The following CDH10 variants were observed in gnomAD, a reference collection of about 807,000 sequenced individuals.
CDH10 encodes cadherin 10.
Under a neutral mutation model 73.1 loss-of-function variants are expected in CDH10, and 30 were observed. The ratio of observed to expected loss-of-function variants is 0.41; its 90% confidence interval spans 0.31 to 0.56. The LOEUF is 0.56. CDH10 is among the 20% of genes least tolerant of loss of function. The pLI is 0.27. For synonymous variants in CDH10, 345 were observed against 348.2 expected (o/e 0.99, Z 0.10); for missense variants, 815 against 973.7 (o/e 0.84, Z 2.17).
chr5:24,535,449 T>C (rs1391322582), intron 4 of CDH10, among the ~76,000 whole-genome samples, 170 bp from the exon 5 acceptor site: 1 of 152,144 alleles, frequency 6.6e-6, no homozygotes, highest in Admixed American at 6.6e-5. Flanking sequence ...ATATCATTTG[T>C]ATTGTGTTAC....
At chr5:24,585,956 G>GC (rs1237430192) in intron 2 of CDH10, among the ~76,000 whole-genome samples, 2 of 152,142 alleles carry the variant, frequency 1.3e-5, no homozygotes, top group African/African-American at 4.8e-5. Flanking sequence ...CTTGCAAATA[G>GC]CGACAGAGGA....
chr5:24,510,301 T>C (rs1742856046), intron 6 of CDH10, among the ~76,000 whole-genome samples: 1 of 152,208 alleles, frequency 6.6e-6, no homozygotes, highest in Non-Finnish European at 1.5e-5. Context: ...AATATACAAC[T>C]TTCAAGTTAT....
At chr5:24,595,111 G>T (rs1010606822) in intron 1 of CDH10, among the ~76,000 whole-genome samples, 2 of 151,720 alleles carry the variant, frequency 1.3e-5, no homozygotes, top group Admixed American at 6.6e-5. Context: ...TTTGTTTTGT[G>T]TGTGTGTGTG....
intron 2 of CDH10, among the ~76,000 whole-genome samples, chr5:24,552,906 A>G (rs1262067663): frequency 6.6e-6 from 1 of 152,196 alleles, no homozygotes; most frequent in Non-Finnish European, 1.5e-5. Context: ...ACAGATTCCA[A>G]AAGGGACTGT....
At position 24,487,190 on chromosome 5, in the gene CDH10, C is replaced by T. The variant is rs570114539; in HGVS notation, c.*473G>A. ...GATAGAATTTGATGAAATGAAATTG[C>T]ACAAATGTCTGTATACCAGGTTGCA... is the stretch of plus-strand genomic sequence containing the variant. On this transcript the variant is annotated 3_prime_UTR_variant, in exon 12 of 12. Transcript: ENST00000264463. The T allele has an allele frequency of 6.6e-6, 1 of 152,370 alleles. No homozygotes were observed. The highest frequency in any genetic ancestry group is 1.5e-5 in the Non-Finnish European group (1 of 68,038). The allele number at this position is 152,370 out of a possible 1,614,324, so 9.4% of individuals were successfully genotyped here. A position where few individuals can be genotyped will look rare whatever the true frequency, so the allele number is the denominator to read the frequency against.
intron 2 of CDH10, among the ~76,000 whole-genome samples, chr5:24,579,282 T>C (rs560128410): frequency 6.6e-6 from 1 of 151,924 alleles, no homozygotes; most frequent in South Asian, 2.1e-4. Context: ...CTCCCTATCA[T>C]ATTTCTTATT....
At chr5:24,522,898 A>G (rs914327128) in intron 5 of CDH10, among the ~76,000 whole-genome samples, 1 of 152,186 alleles carries the variant, frequency 6.6e-6, no homozygotes, top group Non-Finnish European at 1.5e-5. Flanking sequence ...ACACTAAAAA[A>G]TCAGTTTGTG....
chr5:24,631,334 T>G (rs1263501461), intron 1 of CDH10, among the ~76,000 whole-genome samples: 1 of 152,144 alleles, frequency 6.6e-6, no homozygotes, highest in African/African-American at 2.4e-5. Flanking sequence ...GGTCTGAATA[T>G]GGCTTATTTT....
chr5:24,502,468 T>A (rs371596540), intron 8 of CDH10, among the ~76,000 whole-genome samples: 9 of 152,258 alleles, frequency 5.9e-5, no homozygotes, highest in African/African-American at 2.2e-4. Context: ...GTGTTTAAAG[T>A]CTAGTAGAAA....
chr5:24,498,405 G>C lies in CDH10; in HGVS notation c.1508C>G (p.Pro503Arg), dbSNP rs747125379. Reference protein sequence around the residue: ...YDTFVCENARPGQLIQTISAV... With the variant: ...YDTFVCENARRGQLIQTISAV... Reference sequence around the variant, plus strand: ...AATCCTGTAGGGGCTTACCTGCCCTGGTCTGGCATTTTCACATACAAAAGT... The same window carrying C: ...AATCCTGTAGGGGCTTACCTGCCCTCGTCTGGCATTTTCACATACAAAAGT... The change falls in exon 9 of 12, where the codon CCA becomes CGA. Residue 503 changes from proline to arginine, a missense_variant. By Grantham distance (103) the Pro-to-Arg change is moderately radical (BLOSUM62 -2). Transcript: ENST00000264463. The C allele has an allele frequency of 1.9e-6, 3 of 1,604,334 alleles. No individual in the cohort carries two copies. Among genetic ancestry groups the C allele is most frequent in the South Asian group, 2.2e-5 (2 of 90,664 alleles).
intron 8 of CDH10, among the ~76,000 whole-genome samples, chr5:24,504,185 G>A (rs1273910722): frequency 6.6e-6 from 1 of 152,020 alleles, no homozygotes; most frequent in Non-Finnish European, 1.5e-5. Flanking sequence ...AGGGTGCTCT[G>A]CTCCTCCCCT....
intron 5 of CDH10, among the ~76,000 whole-genome samples, chr5:24,525,928 C>T (rs1430238329): frequency 6.6e-6 from 1 of 151,982 alleles, no homozygotes; most frequent in Non-Finnish European, 1.5e-5. Context: ...AGTTAATTGG[C>T]ATCAATAGAT....
intron 1 of CDH10, among the ~76,000 whole-genome samples, chr5:24,609,429 A>G (rs900757948): frequency 1.3e-5 from 2 of 152,174 alleles, no homozygotes; most frequent in African/African-American, 4.8e-5. Context: ...CACACAATCC[A>G]GTGTGCGCTG....
chr5:24,606,829 A>G (rs531024376), intron 1 of CDH10, among the ~76,000 whole-genome samples: 2 of 152,264 alleles, frequency 1.3e-5, no homozygotes, highest in East Asian at 3.9e-4. Context: ...CAGCATCCAG[A>G]AAAAAGCATT....
intron 5 of CDH10, among the ~76,000 whole-genome samples, chr5:24,530,695 G>A (rs1049259117): frequency 5.3e-5 from 8 of 151,998 alleles, no homozygotes; most frequent in African/African-American, 9.6e-5. Context: ...CATTTATTTC[G>A]TATACATTTT....
intron 8 of CDH10, among the ~76,000 whole-genome samples, chr5:24,504,271 TATC>T (rs1247900502): frequency 6.6e-6 from 1 of 151,976 alleles, no homozygotes; most frequent in Non-Finnish European, 1.5e-5. Flanking sequence ...GTAACATTCT[TATC>T]ATCAAAAATG....
intron 1 of CDH10, among the ~76,000 whole-genome samples, chr5:24,640,628 T>C (rs1267733347): frequency 1.3e-5 from 2 of 151,876 alleles, no homozygotes; most frequent in African/African-American, 4.8e-5. Flanking sequence ...CGAAACCCTT[T>C]ACTGAAAGGC....
intron 9 of CDH10, among the ~76,000 whole-genome samples, chr5:24,498,067 T>C (rs907996432): frequency 1.3e-5 from 2 of 152,216 alleles, no homozygotes; most frequent in African/African-American, 4.8e-5. Flanking sequence ...TACCAGTATT[T>C]ATTTAATGAC....
At chr5:24,531,107 T>C (rs755153138) in intron 5 of CDH10, among the ~76,000 whole-genome samples, 1 of 152,068 alleles carries the variant, frequency 6.6e-6, no homozygotes, top group Non-Finnish European at 1.5e-5. Context: ...TCTTTTTGCT[T>C]AGTGGATTTC....
Sources: allele counts gnomAD v4.1 joint callset (sites outside exome capture counted in the v4.1 genomes callset), GRCh38; gene constraint gnomAD v4.1.1; transcripts MANE v1.5; gene names NCBI Gene and HGNC (gene_info 2026-07-23, HGNC 2026-07-21).